PPM1L: variants seen among roughly 807,000 people sequenced by gnomAD.
The protein encoded by PPM1L is protein phosphatase 1L.
PPM1L carries 13 observed loss-of-function variants against 31.4 expected under a neutral mutation model. That is an observed-to-expected ratio of 0.41 (90% confidence interval 0.27 to 0.66). The LOEUF (loss-of-function observed/expected upper bound fraction) is 0.66. Ranked by LOEUF, PPM1L falls within the 30% of genes least tolerant of loss-of-function variation. PPM1L has a pLI of 0.29. For synonymous variants in PPM1L, 184 were observed against 175.4 expected, an observed-to-expected ratio of 1.05 and a Z score of -0.39; for missense variants, 326 against 453.7, an observed-to-expected ratio of 0.72 and a Z score of 2.56.
At chr3:160,906,074 T>C (rs1178277553) in intron 1 of PPM1L, among the ~76,000 whole-genome samples, 5 of 152,082 alleles carry the variant, frequency 3.3e-5, no homozygotes, top group Admixed American at 6.5e-5. Flanking sequence ...ACATTATTAT[T>C]ATTATTTTTT....
intron 1 of PPM1L, among the ~76,000 whole-genome samples, chr3:160,800,150 A>C (rs1413434188): frequency 2.0e-5 from 3 of 152,192 alleles, no homozygotes; most frequent in Admixed American, 2.0e-4. Flanking sequence ...TATTATTGTT[A>C]TCTCAGGATA....
At chr3:161,023,904 A>T (rs1718304810) in intron 2 of PPM1L, among the ~76,000 whole-genome samples, 1 of 152,192 alleles carries the variant, frequency 6.6e-6, no homozygotes, top group Non-Finnish European at 1.5e-5. Context: ...ACATGCACAC[A>T]GTCTTACACA....
intron 1 of PPM1L, among the ~76,000 whole-genome samples, chr3:160,770,583 GT>G (rs1162879347): frequency 6.6e-6 from 1 of 152,196 alleles, no homozygotes; most frequent in Non-Finnish European, 1.5e-5. Context: ...AAATACTGTA[GT>G]TTTTTCTTTG....
At chr3:160,846,165 C>G (rs919070325) in intron 1 of PPM1L, among the ~76,000 whole-genome samples, 1 of 152,068 alleles carries the variant, frequency 6.6e-6, no homozygotes, top group Non-Finnish European at 1.5e-5. Context: ...AGTCTTCAAA[C>G]TAAAATAATG....
chr3:160,901,924 T>C (rs1713557350), intron 1 of PPM1L, among the ~76,000 whole-genome samples: 1 of 152,186 alleles, frequency 6.6e-6, no homozygotes, highest in African/African-American at 2.4e-5. Context: ...GTCTCATTTG[T>C]TCATTTTGTC....
chr3:160,829,316 CA>C (rs1202944937), intron 1 of PPM1L, among the ~76,000 whole-genome samples: 1 of 151,870 alleles, frequency 6.6e-6, no homozygotes, highest in Non-Finnish European at 1.5e-5. Context: ...TGTAATATGT[CA>C]ATGAGAGAAT....
intron 1 of PPM1L, among the ~76,000 whole-genome samples, chr3:160,935,100 A>T (rs894541998): frequency 6.6e-6 from 1 of 152,198 alleles, no homozygotes; most frequent in Non-Finnish European, 1.5e-5. Flanking sequence ...CACAAATCAT[A>T]TAACCCTGGC....
chr3:161,040,864 A>G (rs1718886515), intron 2 of PPM1L, among the ~76,000 whole-genome samples: 2 of 152,346 alleles, frequency 1.3e-5, no homozygotes, highest in Admixed American at 6.5e-5. Flanking sequence ...AAATTATTTT[A>G]TCCCCAAAAC....
At chr3:160,905,725 A>G (rs946301677) in intron 1 of PPM1L, among the ~76,000 whole-genome samples, 2 of 152,130 alleles carry the variant, frequency 1.3e-5, no homozygotes, top group Non-Finnish European at 2.9e-5. Context: ...TTTTTATGTT[A>G]TCTTTCATTA....
intron 2 of PPM1L, among the ~76,000 whole-genome samples, chr3:161,024,161 A>C (rs1718312127): frequency 1.3e-5 from 2 of 150,738 alleles, no homozygotes; most frequent in Admixed American, 1.3e-4. Flanking sequence ...GCTACTCAGG[A>C]GGCTAAGGCA....
chr3:160,816,234 T>C (rs1208330386), intron 1 of PPM1L, among the ~76,000 whole-genome samples: 1 of 151,522 alleles, frequency 6.6e-6, no homozygotes. Flanking sequence ...TATGTGTGTG[T>C]ACATTTGCAA....
chr3:160,777,177 G>T (rs1401592525), intron 1 of PPM1L, among the ~76,000 whole-genome samples: 1 of 151,858 alleles, frequency 6.6e-6, no homozygotes, highest in Admixed American at 6.6e-5. Context: ...AAAAATATTA[G>T]TCAGGCATGG....
intron 2 of PPM1L, among the ~76,000 whole-genome samples, chr3:161,018,575 A>G (rs535808459): frequency 4.1e-4 from 62 of 152,288 alleles, no homozygotes; most frequent in African/African-American, 1.3e-3. Context: ...ATGAAATGGA[A>G]TCATATCTCT....
chr3:160,891,834 A>G (rs1047622313), intron 1 of PPM1L, among the ~76,000 whole-genome samples: 1 of 152,200 alleles, frequency 6.6e-6, no homozygotes, highest in African/African-American at 2.4e-5. Context: ...GGATGAAATT[A>G]TGTCCTTTGC....
At chr3:161,060,624 G>C (rs1719542000) in intron 2 of PPM1L, among the ~76,000 whole-genome samples, 1 of 152,024 alleles carries the variant, frequency 6.6e-6, no homozygotes, top group Non-Finnish European at 1.5e-5. Flanking sequence ...CTTGAGCAAT[G>C]GAGTGGATTA....
At chr3:160,990,925 C>CA (rs1717111887) in intron 2 of PPM1L, among the ~76,000 whole-genome samples, 1 of 152,028 alleles carries the variant, frequency 6.6e-6, no homozygotes, top group African/African-American at 2.4e-5. Context: ...TTTTGACAAC[C>CA]AAAAATGCCC....
intron 1 of PPM1L, among the ~76,000 whole-genome samples, chr3:160,814,614 TAC>T (rs917681523): frequency 1.3e-4 from 18 of 139,172 alleles, no homozygotes; most frequent in East Asian, 4.9e-4. Context: ...TGTATATATA[TAC>T]ACACACATAT....
chr3:160,950,397 C>T (rs62280310), intron 1 of PPM1L, among the ~76,000 whole-genome samples: 8,755 of 152,306 alleles, frequency 0.057, 287 homozygotes, highest in African/African-American at 0.067. Context: ...GGGTTACTCA[C>T]ATCACGCTAA....
intron 1 of PPM1L, among the ~76,000 whole-genome samples, chr3:160,941,024 T>G (rs888440609): frequency 3.3e-5 from 5 of 152,200 alleles, no homozygotes; most frequent in Non-Finnish European, 5.9e-5. Context: ...GACCTGGATG[T>G]GAGACCTGGA....
Sources: gnomAD v4.1 joint callset for allele counts (sites outside exome capture counted in the v4.1 genomes callset) on GRCh38, gnomAD v4.1.1 for gene constraint, MANE v1.5 for transcripts, NCBI Gene and HGNC (gene_info 2026-07-23, HGNC 2026-07-21) for gene names.